DCC: variants seen among roughly 807,000 people sequenced by gnomAD.
DCC encodes netrin receptor DCC.
DCC carries 58 observed loss-of-function variants against 172.5 expected under a neutral mutation model. The observed-to-expected ratio is 0.34, with a 90% CI of 0.27 to 0.42. The LOEUF (loss-of-function observed/expected upper bound fraction) is 0.42. Among genes scored for constraint, DCC ranks in the 10% least tolerant of loss-of-function variants. The pLI is 1.00. For missense variants in DCC, 1,740 were observed against 1,791.0 expected (o/e 0.97, Z 0.51); for synonymous variants, 709 against 644.5 (o/e 1.10, Z -1.52).
intron 1 of DCC, among the ~76,000 whole-genome samples, chr18:52,656,123 A>G (rs1568277851): frequency 6.7e-6 from 1 of 148,804 alleles, no homozygotes; most frequent in Non-Finnish European, 1.5e-5. Flanking sequence ...TAACATATAT[A>G]TGTATATATA....
intron 1 of DCC, among the ~76,000 whole-genome samples, chr18:52,482,012 A>T (rs193128428): frequency 3.4e-4 from 52 of 152,190 alleles, no homozygotes; most frequent in Non-Finnish European, 6.5e-4. Flanking sequence ...ATAGTGTTTT[A>T]GTCAACTTTC....
At chr18:52,679,903 T>A (rs951896015) in intron 1 of DCC, among the ~76,000 whole-genome samples, 1 of 151,990 alleles carries the variant, frequency 6.6e-6, no homozygotes. Flanking sequence ...ATAGACTTTT[T>A]AAAAAATCAT....
chr18:52,567,470 T>G, intron 1 of DCC, among the ~76,000 whole-genome samples: 1 of 152,136 alleles, frequency 6.6e-6, no homozygotes, highest in Admixed American at 6.5e-5. Flanking sequence ...GCCAGCTGTA[T>G]GAATTCAGGC....
intron 19 of DCC, among the ~76,000 whole-genome samples, chr18:53,404,598 G>T (rs992852165): frequency 2.6e-5 from 4 of 151,982 alleles, no homozygotes; most frequent in African/African-American, 9.7e-5. Context: ...GGGCGTGGTG[G>T]TGGGCACCTG....
At chr18:53,233,056 C>T (rs1469206858) in intron 12 of DCC, among the ~76,000 whole-genome samples, 1 of 151,742 alleles carries the variant, frequency 6.6e-6, no homozygotes, top group Admixed American at 6.6e-5. Flanking sequence ...TTATTTTTGC[C>T]TTTATACTAT....
chr18:53,507,564 A>G (rs1030936299), intron 27 of DCC, among the ~76,000 whole-genome samples: 2 of 152,160 alleles, frequency 1.3e-5, no homozygotes, highest in African/African-American at 2.4e-5. Flanking sequence ...TATCTCCAGG[A>G]TCTCCTTATT....
chr18:53,077,072 G>A (rs1369113392), intron 7 of DCC, among the ~76,000 whole-genome samples: 3 of 147,820 alleles, frequency 2.0e-5, no homozygotes, highest in African/African-American at 7.8e-5. Context: ...GGTGTTTACA[G>A]GGGATTCAAA....
chr18:52,653,776 T>C (rs2035190587), intron 1 of DCC, among the ~76,000 whole-genome samples: 1 of 152,180 alleles, frequency 6.6e-6, no homozygotes, highest in Admixed American at 6.5e-5. Flanking sequence ...AGACAAAGGG[T>C]GCTGATTATT....
chr18:52,940,457 G>A (rs2040444039), intron 5 of DCC, among the ~76,000 whole-genome samples: 1 of 152,116 alleles, frequency 6.6e-6, no homozygotes, highest in Admixed American at 6.5e-5. Flanking sequence ...TAAGCCCAAA[G>A]TAGAACAAAA....
At chr18:52,773,646 C>CCT (rs1261319378) in intron 2 of DCC, among the ~76,000 whole-genome samples, 1 of 152,136 alleles carries the variant, frequency 6.6e-6, no homozygotes, top group Admixed American at 6.5e-5. Context: ...CCTGCGTCAG[C>CCT]CTCCTGAGTA....
chr18:52,979,369 A>G (rs67330260), intron 5 of DCC, among the ~76,000 whole-genome samples: 12,138 of 152,170 alleles, frequency 0.08, 926 homozygotes, highest in East Asian at 0.21. Context: ...AGGAGCATTT[A>G]CCCAAGACCA....
chr18:53,423,437 T>C (rs904765810), intron 21 of DCC, among the ~76,000 whole-genome samples: 1 of 152,128 alleles, frequency 6.6e-6, no homozygotes, highest in African/African-American at 2.4e-5. Flanking sequence ...AACGTCTCTT[T>C]CCTGGTGTCA....
At chr18:52,808,190 G>A (rs1177092206) in intron 2 of DCC, among the ~76,000 whole-genome samples, 1 of 152,184 alleles carries the variant, frequency 6.6e-6, no homozygotes, top group African/African-American at 2.4e-5. Flanking sequence ...GAAGTGTTTA[G>A]GCACTATCTA....
intron 15 of DCC, among the ~76,000 whole-genome samples, chr18:53,363,188 G>A (rs1504744): frequency 0.3 from 45,191 of 152,034 alleles, 8,626 homozygotes; most frequent in Non-Finnish European, 0.44. Flanking sequence ...ATTAGGTGAC[G>A]TACCTTTCAC....
intron 1 of DCC, among the ~76,000 whole-genome samples, chr18:52,494,142 A>T (rs998596657): frequency 5.3e-5 from 8 of 151,864 alleles, no homozygotes; most frequent in Non-Finnish European, 7.4e-5. Context: ...GATTTTCCTC[A>T]TTTCTGTTGA....
intron 1 of DCC, among the ~76,000 whole-genome samples, chr18:52,384,185 G>T (rs1013478565): frequency 9.2e-5 from 14 of 151,962 alleles, no homozygotes; most frequent in East Asian, 7.7e-4. Flanking sequence ...GGGCACTCAA[G>T]GGAACATAAG....
intron 5 of DCC, among the ~76,000 whole-genome samples, chr18:53,056,983 A>G (rs895134310): frequency 6.0e-5 from 9 of 151,194 alleles, no homozygotes; most frequent in African/African-American, 1.7e-4. Flanking sequence ...AGAGAATACT[A>G]TATATATTAC....
At chr18:52,477,725 C>T (rs553939922) in intron 1 of DCC, among the ~76,000 whole-genome samples, 1 of 152,308 alleles carries the variant, frequency 6.6e-6, no homozygotes, top group Admixed American at 6.5e-5. Flanking sequence ...TTCTATTGAG[C>T]AATTCCTAAT....
At chr18:52,898,081 C>A (rs746053049) in intron 2 of DCC, among the ~76,000 whole-genome samples, 5 of 152,192 alleles carry the variant, frequency 3.3e-5, no homozygotes, top group Non-Finnish European at 7.3e-5. Context: ...AGGGATGTAA[C>A]CTTCAGGCTT....
Sources: allele counts gnomAD v4.1 joint callset (sites outside exome capture counted in the v4.1 genomes callset), GRCh38; gene constraint gnomAD v4.1.1; transcripts MANE v1.5; gene names NCBI Gene and HGNC (gene_info 2026-07-23, HGNC 2026-07-21).